The following DOCK7 variants were observed in gnomAD, a reference collection of about 807,000 sequenced individuals.
DOCK7 encodes the protein dedicator of cytokinesis protein 7.
In DOCK7, 138 loss-of-function variants were observed where a neutral mutation model predicts 271.0. The ratio of observed to expected loss-of-function variants is 0.51; its 90% confidence interval spans 0.44 to 0.59. The LOEUF is 0.59. Among genes scored for constraint, DOCK7 ranks in the 20% least tolerant of loss-of-function variants. The probability of loss-of-function intolerance (pLI) is 0.00; values close to 1 mark genes in which losing one functional copy is unlikely to be tolerated. For missense variants in DOCK7, 2,066 were observed against 2,592.4 expected (o/e 0.80, Z 4.41); for synonymous variants, 823 against 876.1 (o/e 0.94, Z 1.07).
chr1:62,499,427 A>G (rs919738219), intron 37 of DOCK7, among the ~76,000 whole-genome samples: 12 of 152,198 alleles, frequency 7.9e-5, no homozygotes, highest in African/African-American at 2.9e-4. Context: ...GAGGAGTCAG[A>G]TATAATTCAT....
intron 22 of DOCK7, among the ~76,000 whole-genome samples, chr1:62,545,245 A>G (rs931107371): frequency 7.9e-5 from 12 of 152,160 alleles, no homozygotes; most frequent in Non-Finnish European, 1.6e-4. Context: ...AAAATCACCA[A>G]GACCATTAAG....
At chr1:62,526,329 T>C (rs1268246611) in intron 31 of DOCK7, among the ~76,000 whole-genome samples, 2 of 152,174 alleles carry the variant, frequency 1.3e-5, no homozygotes, top group African/African-American at 4.8e-5. Flanking sequence ...TCAACATCTG[T>C]AGGTTGTTAG....
At chr1:62,662,606 C>G (rs1176562625) in intron 2 of DOCK7, among the ~76,000 whole-genome samples, 1 of 151,922 alleles carries the variant, frequency 6.6e-6, no homozygotes, top group East Asian at 1.9e-4. Flanking sequence ...ACTAAAAATA[C>G]AAAAATTAGC....
At chr1:62,572,519 A>T (rs937123778) in intron 18 of DOCK7, among the ~76,000 whole-genome samples, 1 of 152,200 alleles carries the variant, frequency 6.6e-6, no homozygotes, top group East Asian at 1.9e-4. Flanking sequence ...TAAACAGCAG[A>T]TATTTATTTT....
At chr1:62,662,996 A>G (rs1480906763) in intron 2 of DOCK7, 29 bp downstream of exon 2, 10 of 1,553,068 alleles carry the variant, frequency 6.4e-6, no homozygotes, top group Non-Finnish European at 8.9e-6. Context: ...TACACCAAGA[A>G]GAGACTATAT....
intron 1 of DOCK7, among the ~76,000 whole-genome samples, chr1:62,675,347 G>C (rs994498467): frequency 3.3e-5 from 5 of 152,096 alleles, no homozygotes; most frequent in Non-Finnish European, 5.9e-5. Flanking sequence ...AAGCAGCAGT[G>C]AGCTATAACG....
intron 7 of DOCK7, among the ~76,000 whole-genome samples, chr1:62,645,295 T>C (rs1656511310): frequency 6.6e-6 from 1 of 151,792 alleles, no homozygotes; most frequent in African/African-American, 2.4e-5. Context: ...TACTGATTAA[T>C]AGATAAATAG....
chr1:62,650,615 C>T (rs887601668), intron 4 of DOCK7, among the ~76,000 whole-genome samples: 2 of 152,096 alleles, frequency 1.3e-5, no homozygotes, highest in Non-Finnish European at 2.9e-5. Context: ...ACAAACAACC[C>T]TATCAAAAAG....
chr1:62,644,805 T>C (rs568441973), intron 7 of DOCK7, among the ~76,000 whole-genome samples: 1 of 152,332 alleles, frequency 6.6e-6, no homozygotes, highest in East Asian at 1.9e-4. Flanking sequence ...CTCAAGTTCT[T>C]CCTCACTTTA....
chr1:62,584,907 A>T, intron 15 of DOCK7: 1 of 701,466 alleles, frequency 1.4e-6, no homozygotes, highest in Non-Finnish European at 2.6e-6. Context: ...ATATGATAAG[A>T]CAAGGAAGAG....
chr1:62,601,870 GATGTT>G, intron 14 of DOCK7: 1 of 1,605,922 alleles, frequency 6.2e-7, no homozygotes, highest in Non-Finnish European at 8.5e-7. Flanking sequence ...TGTCTACTGT[GATGTT>G]ATATCAGGTA....
chr1:62,483,208 T>TC (rs1646186105), intron 43 of DOCK7: 1 of 130,976 alleles, frequency 7.6e-6, no homozygotes. Context: ...TTTTTTTTTT[T>TC]TTTGGGTAGA....
intron 7 of DOCK7, among the ~76,000 whole-genome samples, chr1:62,639,426 CTTTTT>C (rs386367151): frequency 0.014 from 1,091 of 75,756 alleles, 13 homozygotes; most frequent in African/African-American, 0.062. Context: ...TTGTAATACT[CTTTTT>C]TTTTTTTTTT....
chr1:62,576,375 CA>C lies in DOCK7; in HGVS notation c.2112+886del, dbSNP rs138506656. Among the ~76,000 whole-genome samples the C allele has an allele frequency of 7.2e-3, 1,101 of 152,216 alleles. 8 individuals carry two copies. The highest frequency in any genetic ancestry group is 0.011 in the Non-Finnish European group (723 of 68,002). On this transcript the variant is annotated intron_variant, in intron 18 of 49. Coordinates refer to ENST00000635253, the MANE Select transcript of DOCK7 (RefSeq NM_001367561.1). ...AGGCTTTGTGATAGAGCACTGCCAG[CA>C]GAGGGAAGAGCAAAGGGCCTGAAAT...
At chr1:62,620,800 C>T (rs1305745222) in intron 12 of DOCK7, among the ~76,000 whole-genome samples, 3 of 144,996 alleles carry the variant, frequency 2.1e-5, no homozygotes, top group Admixed American at 7.1e-5. Flanking sequence ...AGGAGAATGG[C>T]GTGAACTCGG....
At chr1:62,515,802 A>G (rs1170280705) in intron 31 of DOCK7, among the ~76,000 whole-genome samples, 1 of 152,210 alleles carries the variant, frequency 6.6e-6, no homozygotes, top group African/African-American at 2.4e-5. Flanking sequence ...GGGAGCAGGG[A>G]GATGAATGTG....
At chr1:62,625,525 T>C in intron 11 of DOCK7, 124 bp from the exon 12 acceptor site, 6 of 951,714 alleles carry the variant, frequency 6.3e-6, no homozygotes, top group South Asian at 3.9e-5. Context: ...TCAAGTATAG[T>C]AGGAGAATTT....
intron 7 of DOCK7, among the ~76,000 whole-genome samples, chr1:62,637,088 C>A (rs576328825): frequency 2.6e-5 from 4 of 152,290 alleles, no homozygotes; most frequent in Admixed American, 2.0e-4. Flanking sequence ...TCCATCTAGA[C>A]TTTATGCATA....
intron 10 of DOCK7, among the ~76,000 whole-genome samples, chr1:62,632,418 T>C (rs1359561768): frequency 6.6e-6 from 1 of 152,144 alleles, no homozygotes; most frequent in Non-Finnish European, 1.5e-5. Context: ...AGCCAGGTAA[T>C]CAAGGATCAA....
Sources: gnomAD v4.1 joint callset for allele counts (sites outside exome capture counted in the v4.1 genomes callset) on GRCh38, gnomAD v4.1.1 for gene constraint, MANE v1.5 for transcripts, NCBI Gene and HGNC (gene_info 2026-07-23, HGNC 2026-07-21) for gene names.